The following FOXO1 variants were observed in gnomAD, a reference collection of about 807,000 sequenced individuals.
FOXO1 encodes forkhead box protein O1.
In FOXO1, 6 loss-of-function variants were observed where a neutral mutation model predicts 44.1. The observed-to-expected ratio is 0.14, with a 90% CI of 0.07 to 0.27. The LOEUF (loss-of-function observed/expected upper bound fraction) is 0.27. FOXO1 is among the 10% of genes least tolerant of loss of function. The pLI, the probability that FOXO1 is intolerant of heterozygous loss-of-function variation, is 1.00. For missense variants in FOXO1, 737 were observed against 888.8 expected (o/e 0.83, Z 2.17); for synonymous variants, 380 against 362.7 (o/e 1.05, Z -0.54).
intron 1 of FOXO1, among the ~76,000 whole-genome samples, chr13:40,582,259 A>C (rs1389470266): frequency 6.6e-6 from 1 of 152,032 alleles, no homozygotes; most frequent in African/African-American, 2.4e-5. Context: ...AAAAACTTTT[A>C]TTGTTAAAAT....
chr13:40,644,636 C>T (rs1444260208), intron 1 of FOXO1, among the ~76,000 whole-genome samples: 9 of 152,128 alleles, frequency 5.9e-5, no homozygotes, highest in Admixed American at 5.9e-4. Flanking sequence ...TATTGGACAT[C>T]CCAGTTATAC....
intron 1 of FOXO1, among the ~76,000 whole-genome samples, chr13:40,616,913 G>A (rs1001523493): frequency 6.6e-6 from 1 of 152,176 alleles, no homozygotes; most frequent in Non-Finnish European, 1.5e-5. Flanking sequence ...CACTTCCAGT[G>A]AGCTTCTCGG....
chr13:40,619,060 T>A (rs1352376409), intron 1 of FOXO1: 1 of 460,642 alleles, frequency 2.2e-6, no homozygotes, highest in Non-Finnish European at 4.2e-6. Flanking sequence ...GCTGAGTGGG[T>A]GGATCACGAG....
rs1878261666 is a variant in FOXO1 at position 40,666,467 on chromosome 13, G to A, written c.-255C>T. 1 of 368,896 alleles carries A rather than the reference G, an allele frequency of 2.7e-6. No homozygotes were observed. The highest frequency in any genetic ancestry group is 4.8e-6 in the Non-Finnish European group (1 of 206,234). The allele number at this position is 368,896 out of a possible 1,614,324, so 22.9% of individuals were successfully genotyped here. A position where few individuals can be genotyped will look rare whatever the true frequency, so the allele number is the denominator to read the frequency against. ...ACTGGACGGCCGGCCAGAGCCGCCGGGCCGGGGCAGAGCCTGCGCCGCGCT... is the reference window on the plus strand; with the variant it reads ...ACTGGACGGCCGGCCAGAGCCGCCGAGCCGGGGCAGAGCCTGCGCCGCGCT... On this transcript the variant is annotated 5_prime_UTR_variant, in exon 1 of 3. Transcript: ENST00000379561.
chr13:40,580,925 A>G (rs1196522395), intron 1 of FOXO1, among the ~76,000 whole-genome samples: 1 of 152,152 alleles, frequency 6.6e-6, no homozygotes, highest in Non-Finnish European at 1.5e-5. Flanking sequence ...TATCTACAGC[A>G]CTGCTTAGCC....
chr13:40,666,072 G>T lies in FOXO1; in HGVS notation c.141C>A (p.Ser47Arg), dbSNP rs1878236765. 7.5e-7 allele frequency: 1 copy of T among 1,328,788 alleles called. No homozygotes were observed. Among genetic ancestry groups the T allele is most frequent in the South Asian group, 1.9e-5 (1 of 51,622 alleles). The allele number at this position is 1,328,788 out of a possible 1,614,324, so 82.3% of individuals were successfully genotyped here. The part of the protein sequence containing the change: ...SATSSPAPSG[S>R]AAANPDAAAG... ...CCGCGGCGTCGGGGTTGGCAGCCGC[G>T]CTGCCCGACGGCGCCGGGCTGGAGG... The change falls in exon 1 of 3, where the codon AGC becomes AGA. Residue 47 changes from serine (S) to arginine (R), a missense_variant. By Grantham distance (110) the Ser-to-Arg change is moderately radical. Coordinates refer to ENST00000379561, the MANE Select transcript of FOXO1 (RefSeq NM_002015.4).
intron 1 of FOXO1, among the ~76,000 whole-genome samples, chr13:40,609,449 G>GT (rs1324838772): frequency 6.6e-6 from 1 of 152,096 alleles, no homozygotes; most frequent in Non-Finnish European, 1.5e-5. Flanking sequence ...ATTTGTAAAT[G>GT]TAAGTCTGTT....
intron 1 of FOXO1, among the ~76,000 whole-genome samples, chr13:40,627,597 C>T (rs148515300): frequency 0.022 from 3,326 of 152,212 alleles, 49 homozygotes; most frequent in Non-Finnish European, 0.035. Flanking sequence ...CTTTGGGAAG[C>T]CAAGGTGGGC....
At chr13:40,616,974 A>G (rs1279129722) in intron 1 of FOXO1, among the ~76,000 whole-genome samples, 1 of 152,230 alleles carries the variant, frequency 6.6e-6, no homozygotes, top group Non-Finnish European at 1.5e-5. Context: ...TTATGCTAAC[A>G]TGTGAATACA....
At chr13:40,561,269 G>A (rs1038286345) in intron 1 of FOXO1, among the ~76,000 whole-genome samples, 10 of 149,230 alleles carry the variant, frequency 6.7e-5, no homozygotes, top group South Asian at 2.2e-4. Context: ...GGAGAATGGC[G>A]TGAACCTGGG....
At chr13:40,599,043 GGGAGA>G (rs1274966711) in intron 1 of FOXO1, among the ~76,000 whole-genome samples, 4 of 151,944 alleles carry the variant, frequency 2.6e-5, no homozygotes, top group African/African-American at 9.7e-5. Flanking sequence ...TTTGGGGGAA[GGGAGA>G]ATTGCTTATT....
At chr13:40,593,681 T>C (rs1178483598) in intron 1 of FOXO1, among the ~76,000 whole-genome samples, 1 of 152,222 alleles carries the variant, frequency 6.6e-6, no homozygotes, top group Non-Finnish European at 1.5e-5. Flanking sequence ...AGTTTTATTG[T>C]TTGCTATTTT....
At chr13:40,653,632 G>C (rs74044557) in intron 1 of FOXO1, among the ~76,000 whole-genome samples, 4,313 of 152,188 alleles carry the variant, frequency 0.028, 170 homozygotes, top group African/African-American at 0.095. Context: ...GCCCAAATAA[G>C]ACTTAGGAGG....
intron 1 of FOXO1, among the ~76,000 whole-genome samples, chr13:40,630,069 A>G (rs1046926349): frequency 3.9e-5 from 6 of 152,192 alleles, no homozygotes; most frequent in African/African-American, 1.4e-4. Context: ...TGATAGTATT[A>G]TATCTTCTAC....
In FOXO1 at chr13:40,560,301, G is replaced by A. The variant is rs751653854; in HGVS notation, c.1190C>T (p.Thr397Ile). 8.1e-6 allele frequency: 13 copies of A among 1,614,066 alleles called. No homozygotes were observed. The highest frequency in any genetic ancestry group is 1.1e-5 in the Non-Finnish European group (13 of 1,180,048). ...LTVSTQSSPG[T>I]MMQQTPCYSF... ...GTAGCACGGCGTCTGCTGCATCATG[G>A]TGCCAGGTGAGGACTGGGTCGAAAC... is the stretch of plus-strand genomic sequence containing the variant. Residue 397 changes from threonine to isoleucine, a missense_variant, in exon 2 of 3, where the codon ACC (threonine) becomes ATC (isoleucine). Coordinates refer to ENST00000379561, the MANE Select transcript of FOXO1 (RefSeq NM_002015.4). The surrounding 1 kb of genome is among the most constrained non-coding windows in gnomAD (Gnocchi z 5.1).
intron 1 of FOXO1, among the ~76,000 whole-genome samples, chr13:40,574,491 G>A (rs1013366038): frequency 2.6e-5 from 4 of 152,162 alleles, no homozygotes; most frequent in Non-Finnish European, 2.9e-5. Flanking sequence ...AAGCATATTC[G>A]AGAATTATTC....
chr13:40,558,938 T>TTA lies in FOXO1; in HGVS notation c.*110_*111insTA. 2 of 398,326 alleles carry TTA rather than the reference T, an allele frequency of 5.0e-6. No individual in the cohort carries two copies. 24.7% of individuals were successfully genotyped at this position (398,326 alleles called of 1,614,324 possible). ...GGGTTTTTTTTTTTGTTTTTTTTTT[T>TTA]AACCAAGAAAACTAAAAGGGAGTTG... On this transcript the variant is annotated 3_prime_UTR_variant, in exon 3 of 3. Transcript: ENST00000379561.
In FOXO1 at chr13:40,603,401, AT is replaced by A. The variant is rs374680377; in HGVS notation, c.631-42542del. Among the ~76,000 whole-genome samples the A allele has an allele frequency of 1.1e-3, 160 of 151,558 alleles. 4 individuals carry two copies. The East Asian group carries it at 0.02, about 18-fold the overall frequency. ...GTTGAGTTAAAGCACAGGATTTTAA[AT>A]ATATACATATATTATAAATAAAAAG... is the stretch of plus-strand genomic sequence containing the variant. On this transcript the variant is annotated intron_variant, in intron 1 of 2. Coordinates refer to ENST00000379561, the MANE Select transcript of FOXO1 (RefSeq NM_002015.4).
chr13:40,575,433 G>A lies in FOXO1; in HGVS notation c.631-14573C>T, dbSNP rs529974969. ...CACTTGCCAGGGGTGGGGGTAGGTG[G>A]AGTGAAGGGCACCAAGGAGGAAGGG... is the stretch of plus-strand genomic sequence containing the variant. On this transcript the variant is annotated intron_variant, in intron 1 of 2. Transcript: ENST00000379561. Among the ~76,000 whole-genome samples the A allele has an allele frequency of 3.9e-5, 6 of 152,304 alleles. No individual in the cohort carries two copies. In the South Asian group the frequency reaches 1.2e-3, roughly 32 times the overall value.
Sources: gnomAD v4.1 joint callset for allele counts (sites outside exome capture counted in the v4.1 genomes callset) on GRCh38, gnomAD v4.1.1 for gene constraint, Gnocchi (gnomAD v3.1) non-coding constraint, MANE v1.5 for transcripts, NCBI Gene and HGNC (gene_info 2026-07-23, HGNC 2026-07-21) for gene names.